The following SCLY variants were observed in gnomAD, a reference collection of about 807,000 sequenced individuals.
The protein encoded by SCLY is putative selenocysteine lyase.
In SCLY, 38 loss-of-function variants were observed where a neutral mutation model predicts 50.1. The ratio of observed to expected loss-of-function variants is 0.76; its 90% CI spans 0.59 to 0.99. SCLY has a LOEUF of 0.99. SCLY is among the 50% of genes least tolerant of loss of function. The pLI, the probability that SCLY is intolerant of heterozygous loss-of-function variation, is 0.00. For synonymous variants in SCLY, 243 were observed against 249.4 expected, an observed-to-expected ratio of 0.97 and a Z score of 0.24; for missense variants, 600 against 620.0, an observed-to-expected ratio of 0.97 and a Z score of 0.34.
At chr2:238,079,403 G>A (rs1167573521) in intron 4 of SCLY, 1 of 152,162 alleles carries the variant, frequency 6.6e-6, no homozygotes, top group Non-Finnish European at 1.5e-5. Flanking sequence ...AGGGAAGAAA[G>A]AGCAAGTATA....
intron 4 of SCLY, chr2:238,081,086 C>T (rs1435539820): frequency 6.6e-6 from 1 of 152,484 alleles, no homozygotes; most frequent in Non-Finnish European, 1.5e-5. Flanking sequence ...CCACCTCGGC[C>T]TTCCAAAGTG....
Position 238,069,535 on chromosome 2 carries a change from G to T in SCLY, c.484+58G>T. ...CTGCTGAGCTCCAGCTGCGAGGCGG[G>T]AAGTGGCCTGCGAGCAGAGCCCGGG... On this transcript the variant is annotated intron_variant, in intron 4 of 11. Transcript: ENST00000254663. The surrounding 1 kb of genome is among the most constrained non-coding windows in gnomAD (Gnocchi z 5.0). The T allele has an allele frequency of 6.8e-7, 1 of 1,481,014 alleles. No homozygotes were observed. Among genetic ancestry groups the T allele is most frequent in the Non-Finnish European group, 9.1e-7 (1 of 1,101,002 alleles). The allele number at this position is 1,481,014 out of a possible 1,614,324, so 91.7% of individuals were successfully genotyped here.
intron 4 of SCLY, among the ~76,000 whole-genome samples, chr2:238,071,677 A>G (rs937383125): frequency 6.6e-6 from 1 of 152,222 alleles, no homozygotes; most frequent in Non-Finnish European, 1.5e-5. Flanking sequence ...CCACTGTTAC[A>G]GTTTGCCTTG....
Position 238,065,802 on chromosome 2 carries a change from G to T in SCLY, c.202+1333G>T, listed in dbSNP as rs186901337. On this transcript the variant is annotated intron_variant, in intron 2 of 11. Coordinates refer to ENST00000254663, the MANE Select transcript of SCLY (RefSeq NM_016510.7). ...CGATTCTTCTGCCTCAGCCTCCCAA[G>T]TAGCTGGGACTAGAGGCACGCGCCA... is the stretch of plus-strand genomic sequence containing the variant. Among the ~76,000 whole-genome samples, 660 of 152,046 alleles carry T rather than the reference G, an allele frequency of 4.3e-3. 6 individuals are homozygous for T. The highest frequency in any genetic ancestry group is 0.015 in the African/African-American group (618 of 41,454).
chr2:238,084,915 A>ACCTAGACT (rs2065277361), intron 7 of SCLY, among the ~76,000 whole-genome samples: 1 of 118,566 alleles, frequency 8.4e-6, no homozygotes, highest in Non-Finnish European at 1.7e-5. Context: ...AAAAAAAGAA[A>ACCTAGACT]CCTAGACTTC....
In SCLY at chr2:238,098,714, A is replaced by G; in HGVS notation, c.*359A>G. The G allele has an allele frequency of 1.2e-5, 3 of 243,964 alleles. 1 individual carries two copies. Among genetic ancestry groups the G allele is most frequent in the Non-Finnish European group, 2.2e-5 (3 of 137,852 alleles). 15.1% of individuals were successfully genotyped at this position (243,964 alleles called of 1,614,324 possible). A position where few individuals can be genotyped will look rare whatever the true frequency, so the allele number is the denominator to read the frequency against. On this transcript the variant is annotated 3_prime_UTR_variant, in exon 12 of 12. Coordinates refer to ENST00000254663, the MANE Select transcript of SCLY (RefSeq NM_016510.7). The stretch of plus-strand genomic sequence containing the variant: ...ACACTTAGCTTTATCCACCCTCCCC[A>G]CTGGGAACTGGGCACGCCTGTTGTG...
Position 238,088,616 on chromosome 2 carries a change from A to T in SCLY, c.885-2602A>T, listed in dbSNP as rs183109262. Reference sequence around the variant, plus strand: ...GAACTGCAAGACCCAGCTCTACAAAAATAAAAAAATTCAATCAATGTAATC... The same window carrying T: ...GAACTGCAAGACCCAGCTCTACAAATATAAAAAAATTCAATCAATGTAATC... On this transcript the variant is annotated intron_variant, in intron 7 of 11. Coordinates refer to ENST00000254663, the MANE Select transcript of SCLY (RefSeq NM_016510.7). Among the ~76,000 whole-genome samples the T allele has an allele frequency of 3.3e-3, 505 of 152,378 alleles. 1 individual carries two copies. Among genetic ancestry groups the T allele is most frequent in the Non-Finnish European group, 5.5e-3 (373 of 68,038 alleles).
intron 10 of SCLY, among the ~76,000 whole-genome samples, chr2:238,095,341 C>T (rs530478305): frequency 3.2e-4 from 49 of 152,298 alleles, no homozygotes; most frequent in African/African-American, 1.1e-3. Context: ...GCCCTGACTC[C>T]CTGAGAGTGG....
intron 2 of SCLY, 136 bp downstream of exon 2, chr2:238,064,605 T>A: frequency 1.9e-6 from 1 of 518,708 alleles, no homozygotes; most frequent in Non-Finnish European, 3.4e-6. Flanking sequence ...GCTGTAATTT[T>A]TGATAGTTTC....
rs139057106 is a variant in SCLY at position 238,096,853 on chromosome 2, G to A, written c.1161G>A (p.Ala387=). 8.1e-6 allele frequency: 13 copies of A among 1,612,014 alleles called. No individual in the cohort carries two copies. Among genetic ancestry groups the A allele is most frequent in the Admixed American group, 6.7e-5 (4 of 59,790 alleles). ...TGCTGATGGCCAGTGTGGGGGCCGCGTGCCACTCGGACCACGGGGACCAGT... is the reference window on the plus strand; with the variant it reads ...TGCTGATGGCCAGTGTGGGGGCCGCATGCCACTCGGACCACGGGGACCAGT... ...CRVLMASVGA[A]CHSDHGDQPS... Residue 387 remains alanine, a synonymous_variant, in exon 11 of 12, where the codon GCG becomes GCA. Transcript: ENST00000254663.
chr2:238,084,849 G>A (rs1046217322), intron 7 of SCLY, among the ~76,000 whole-genome samples: 3 of 135,324 alleles, frequency 2.2e-5, no homozygotes, highest in African/African-American at 2.8e-5. Flanking sequence ...AGTCGAGATC[G>A]CACCACTGCA....
chr2:238,086,309 A>G (rs2065297228), intron 7 of SCLY, among the ~76,000 whole-genome samples: 1 of 152,188 alleles, frequency 6.6e-6, no homozygotes, highest in Admixed American at 6.5e-5. Context: ...GCAATATCTG[A>G]TGTGGTTCAA....
At chr2:238,091,551 A>AGCGAT in intron 8 of SCLY, 4 of 404,494 alleles carry the variant, frequency 9.9e-6, no homozygotes, top group South Asian at 2.6e-5. Context: ...CAGGTTCACC[A>AGCGAT]TTCCCAAAGG....
At chr2:238,091,057 G>T (rs1315354108) in intron 7 of SCLY, among the ~76,000 whole-genome samples, 161 bp from the exon 8 acceptor site, 1 of 152,240 alleles carries the variant, frequency 6.6e-6, no homozygotes, top group Non-Finnish European at 1.5e-5. Context: ...TGGCAGGGGA[G>T]GTTTCTGGGG....
chr2:238,062,005 A>G (rs1260357788), intron 1 of SCLY, among the ~76,000 whole-genome samples: 1 of 152,216 alleles, frequency 6.6e-6, no homozygotes, highest in East Asian at 1.9e-4. Context: ...TGGTTGGAAC[A>G]AAGTGAAGGG....
chr2:238,091,537 G>GATA, intron 8 of SCLY: 1 of 361,306 alleles, frequency 2.8e-6, no homozygotes, highest in East Asian at 5.0e-5. Flanking sequence ...GAAGTGTCAA[G>GATA]CTGCAGGTTC....
intron 2 of SCLY, among the ~76,000 whole-genome samples, chr2:238,065,485 G>A (rs2065059288): frequency 6.6e-6 from 1 of 152,062 alleles, no homozygotes; most frequent in South Asian, 2.1e-4. Context: ...GCCTGGCAGT[G>A]GCTTTTAGGT....
chr2:238,072,081 C>T (rs959386130), intron 4 of SCLY, among the ~76,000 whole-genome samples: 1 of 152,168 alleles, frequency 6.6e-6, no homozygotes, highest in African/African-American at 2.4e-5. Flanking sequence ...TCTAGGCAAC[C>T]ACTCATCTAC....
At chr2:238,068,707 C>T (rs1281427946) in intron 3 of SCLY, among the ~76,000 whole-genome samples, 2 of 152,192 alleles carry the variant, frequency 1.3e-5, no homozygotes, top group Non-Finnish European at 2.9e-5. Flanking sequence ...AAGGTTTCCC[C>T]GTCATTGTTG....
Sources: allele counts gnomAD v4.1 joint callset (sites outside exome capture counted in the v4.1 genomes callset), GRCh38; gene constraint gnomAD v4.1.1; non-coding constraint Gnocchi (gnomAD v3.1); transcripts MANE v1.5; gene names NCBI Gene and HGNC (gene_info 2026-07-23, HGNC 2026-07-21).